The following RAB27A variants were observed in gnomAD, a reference collection of about 807,000 sequenced individuals.
The protein encoded by RAB27A is RAB27A, member RAS oncogene family.
A neutral mutation model predicts 20.8 loss-of-function variants in RAB27A; 17 were observed. The ratio of observed to expected loss-of-function variants is 0.82; its 90% CI spans 0.56 to 1.23. The LOEUF is 1.23. Among genes scored for constraint, RAB27A ranks in the 50% most tolerant of loss-of-function variants. The pLI is 0.00. For missense variants in RAB27A, 277 were observed against 266.7 expected (o/e 1.04, Z -0.27); for synonymous variants, 85 against 92.8 (o/e 0.92, Z 0.48).
At chr15:55,250,269 CTATTA>C (rs977315000) in intron 2 of RAB27A, among the ~76,000 whole-genome samples, 1 of 151,882 alleles carries the variant, frequency 6.6e-6, no homozygotes, top group Non-Finnish European at 1.5e-5. Flanking sequence ...TGGACTCCTT[CTATTA>C]TGTTTTTTAA....
intron 6 of RAB27A, among the ~76,000 whole-genome samples, chr15:55,212,711 A>G (rs1393144064): frequency 2.6e-5 from 4 of 151,936 alleles, no homozygotes; most frequent in African/African-American, 9.7e-5. Flanking sequence ...TTGTATTTTT[A>G]GTACAGACGG....
intron 2 of RAB27A, among the ~76,000 whole-genome samples, chr15:55,251,418 G>A (rs182395111): frequency 7.9e-5 from 12 of 152,292 alleles, no homozygotes; most frequent in South Asian, 2.1e-4. Context: ...AAGCAGCATC[G>A]ACCATGGGAT....
At chr15:55,261,533 G>T (rs1482546358) in intron 2 of RAB27A, among the ~76,000 whole-genome samples, 1 of 149,428 alleles carries the variant, frequency 6.7e-6, no homozygotes, top group African/African-American at 2.5e-5. Context: ...TTCAAGACCA[G>T]CCTGGCCAAC....
At chr15:55,234,747 G>T in intron 3 of RAB27A, 35 bp downstream of exon 3, 2 of 1,578,684 alleles carry the variant, frequency 1.3e-6, no homozygotes, top group South Asian at 2.2e-5. Flanking sequence ...TTGACTTAAC[G>T]ATTACATTTT....
intron 5 of RAB27A, 51 bp from the exon 6 acceptor site, chr15:55,224,063 T>C (rs751831333): frequency 6.4e-6 from 9 of 1,412,828 alleles, no homozygotes; most frequent in African/African-American, 2.9e-5. Flanking sequence ...TGTAAGTGTA[T>C]GATCAGTGAA....
intron 2 of RAB27A, among the ~76,000 whole-genome samples, chr15:55,299,322 G>A (rs751690631): frequency 1.5e-4 from 23 of 152,174 alleles, no homozygotes; most frequent in African/African-American, 3.1e-4. Context: ...GGCCGGCCAC[G>A]GTGCCTCATG....
intron 1 of RAB27A, among the ~76,000 whole-genome samples, chr15:55,279,663 G>C (rs939563248): frequency 6.6e-6 from 1 of 152,178 alleles, no homozygotes; most frequent in Non-Finnish European, 1.5e-5. Context: ...ATAAGTAATA[G>C]CCTCACACAC....
At chr15:55,298,885 G>C (rs917622461) in intron 2 of RAB27A, among the ~76,000 whole-genome samples, 35 of 152,180 alleles carry the variant, frequency 2.3e-4, no homozygotes. Context: ...GCTCTGTTCT[G>C]CCTGGCTCAC....
At chr15:55,299,466 C>T (rs2054962669) in intron 2 of RAB27A, among the ~76,000 whole-genome samples, 1 of 152,026 alleles carries the variant, frequency 6.6e-6, no homozygotes, top group Non-Finnish European at 1.5e-5. Context: ...TTGTGGCTCA[C>T]ACCTGTAATC....
At chr15:55,210,170 TATACGTACACAC>T (rs1566897119) in intron 6 of RAB27A, among the ~76,000 whole-genome samples, 1 of 144,198 alleles carries the variant, frequency 6.9e-6, no homozygotes, top group Non-Finnish European at 1.5e-5. Flanking sequence ...CACATACATA[TATACGTACACAC>T]ATATGTATGT....
In RAB27A at chr15:55,250,112, G is replaced by A. The variant is rs550604430; in HGVS notation, c.-22-15156C>T. Among the ~76,000 whole-genome samples, 198 of 152,028 alleles carry A rather than the reference G, an allele frequency of 1.3e-3. 2 individuals are homozygous for A. Among genetic ancestry groups the A allele is most frequent in the African/African-American group, 4.6e-3 (192 of 41,474 alleles). ...CTAGTGGCTGCGACTAAAGGCCTGC[G>A]CAACCACGCCCAGCTAATTTTTGTA... is the stretch of plus-strand genomic sequence containing the variant. On this transcript the variant is annotated intron_variant, in intron 2 of 6. Coordinates refer to ENST00000336787, the MANE Select transcript of RAB27A (RefSeq NM_183235.3).
intron 6 of RAB27A, among the ~76,000 whole-genome samples, chr15:55,214,722 T>C (rs552636081): frequency 4.3e-4 from 66 of 152,308 alleles, no homozygotes; most frequent in African/African-American, 1.5e-3. Flanking sequence ...AGATAATGCA[T>C]CTCTGTCCCT....
intron 1 of RAB27A, among the ~76,000 whole-genome samples, chr15:55,281,231 T>G (rs1270245022): frequency 6.6e-6 from 1 of 152,228 alleles, no homozygotes; most frequent in Non-Finnish European, 1.5e-5. Context: ...TGGGTCTTTT[T>G]GATTTCCAAT....
chr15:55,240,518 G>A (rs774711569), intron 2 of RAB27A, among the ~76,000 whole-genome samples: 6 of 151,996 alleles, frequency 3.9e-5, no homozygotes, highest in African/African-American at 7.3e-5. Flanking sequence ...CTGTTCTATC[G>A]TAAGTGCTTC....
chr15:55,215,606 C>T (rs1446759149), intron 6 of RAB27A, among the ~76,000 whole-genome samples: 3 of 139,660 alleles, frequency 2.1e-5, no homozygotes, highest in Admixed American at 7.4e-5. Flanking sequence ...GAGCCGAGAT[C>T]GCGCCACTGC....
chr15:55,261,735 A>AG (rs1897275157), intron 2 of RAB27A, among the ~76,000 whole-genome samples: 3 of 146,032 alleles, frequency 2.1e-5, no homozygotes, highest in Non-Finnish European at 4.5e-5. Context: ...AAAAAAAAAA[A>AG]GCATCTTTTT....
chr15:55,302,008 C>T (rs1344518722), intron 2 of RAB27A, among the ~76,000 whole-genome samples: 1 of 151,930 alleles, frequency 6.6e-6, no homozygotes, highest in East Asian at 1.9e-4. Flanking sequence ...GTGAACCTGT[C>T]TCTACCAAAA....
chr15:55,216,452 A>T (rs1412720944), intron 6 of RAB27A, among the ~76,000 whole-genome samples: 1 of 152,030 alleles, frequency 6.6e-6, no homozygotes, highest in East Asian at 1.9e-4. Flanking sequence ...AGATCTCTTG[A>T]ACACAGGAGG....
At chr15:55,287,122 G>C (rs1898177687) in intron 1 of RAB27A, among the ~76,000 whole-genome samples, 1 of 151,944 alleles carries the variant, frequency 6.6e-6, no homozygotes, top group African/African-American at 2.4e-5. Context: ...GCTTCACCAT[G>C]TTGGCCAGCC....
Sources: allele counts gnomAD v4.1 joint callset (sites outside exome capture counted in the v4.1 genomes callset), GRCh38; gene constraint gnomAD v4.1.1; transcripts MANE v1.5; gene names NCBI Gene and HGNC (gene_info 2026-07-23, HGNC 2026-07-21).